GADL1: variants seen among roughly 807,000 people sequenced by gnomAD.
GADL1 encodes GAD like acidic amino acid decarboxylase 1, also known as acidic amino acid decarboxylase GADL1.
In GADL1, 71 loss-of-function variants were observed where a neutral mutation model predicts 69.5. The observed-to-expected ratio is 1.02, with a 90% CI of 0.84 to 1.25. The LOEUF (loss-of-function observed/expected upper bound fraction) is 1.25. Among genes scored for constraint, GADL1 ranks in the 50% most tolerant of loss-of-function variants. GADL1 has a pLI of 0.00. For synonymous variants in GADL1, 254 were observed against 214.4 expected (o/e 1.18, Z -1.62); for missense variants, 737 against 631.8 (o/e 1.17, Z -1.79).
intron 11 of GADL1, among the ~76,000 whole-genome samples, chr3:30,816,456 C>G (rs1204872802): frequency 6.6e-6 from 1 of 151,418 alleles, no homozygotes; most frequent in Non-Finnish European, 1.5e-5. Context: ...TTCCCTAGCC[C>G]CAGACACCTG....
At chr3:30,736,597 C>T (rs1421867698) in intron 14 of GADL1, among the ~76,000 whole-genome samples, 1 of 152,094 alleles carries the variant, frequency 6.6e-6, no homozygotes, top group Admixed American at 6.6e-5. Context: ...CTATGAAAAA[C>T]ATGAAATAAT....
intron 14 of GADL1, among the ~76,000 whole-genome samples, chr3:30,754,114 GTGCCTCC>G (rs1695906207): frequency 6.6e-6 from 1 of 152,204 alleles, no homozygotes; most frequent in Non-Finnish European, 1.5e-5. Context: ...GATTGCTAAT[GTGCCTCC>G]CAAATAAGTA....
In GADL1 at chr3:30,821,170, G is replaced by A. The variant is rs115507969; in HGVS notation, c.1050+12683C>T. On this transcript the variant is annotated intron_variant, in intron 11 of 14. Coordinates refer to ENST00000282538, the MANE Select transcript of GADL1 (RefSeq NM_207359.3). ...AGGGGAACATCACACTCTGGGGACT[G>A]CTGGGTGTGGGGAGGCGGGGAGAGA... Among the ~76,000 whole-genome samples the A allele has an allele frequency of 1.7e-3, 264 of 152,164 alleles. 1 individual carries two copies. Among genetic ancestry groups the A allele is most frequent in the African/African-American group, 6.1e-3 (254 of 41,526 alleles).
intron 11 of GADL1, among the ~76,000 whole-genome samples, chr3:30,817,430 G>A (rs1697495189): frequency 6.6e-6 from 1 of 152,084 alleles, no homozygotes; most frequent in South Asian, 2.1e-4. Context: ...GAAGACATTT[G>A]AAGAACTCTA....
chr3:30,779,710 G>C (rs1696616380), intron 13 of GADL1, among the ~76,000 whole-genome samples: 1 of 152,124 alleles, frequency 6.6e-6, no homozygotes, highest in Non-Finnish European at 1.5e-5. Context: ...CTAGAAAGTA[G>C]AAGAAAAATA....
chr3:30,821,128 A>G (rs111341345), intron 11 of GADL1, among the ~76,000 whole-genome samples: 2,499 of 152,188 alleles, frequency 0.016, 66 homozygotes, highest in African/African-American at 0.057. Flanking sequence ...GAACAATGAG[A>G]ACACATGGAC....
At chr3:30,795,661 ATC>A (rs1697016741) in intron 12 of GADL1, among the ~76,000 whole-genome samples, 1 of 152,202 alleles carries the variant, frequency 6.6e-6, no homozygotes, top group Non-Finnish European at 1.5e-5. Context: ...AAAGAAAGAA[ATC>A]ATGAAAATAA....
At chr3:30,863,818 T>G (rs766174696) in intron 1 of GADL1, among the ~76,000 whole-genome samples, 37 of 68,706 alleles carry the variant, frequency 5.4e-4, no homozygotes, top group Admixed American at 5.2e-3. Flanking sequence ...CTCCTCAAAG[T>G]TAAACGTTCT....
At chr3:30,873,844 ACT>A (rs1272494787) in intron 1 of GADL1, among the ~76,000 whole-genome samples, 2 of 151,840 alleles carry the variant, frequency 1.3e-5, no homozygotes, top group African/African-American at 4.8e-5. Context: ...GGAGGCACTT[ACT>A]CTCAGCTCTC....
At chr3:30,734,334 C>T (rs897864763) in intron 14 of GADL1, among the ~76,000 whole-genome samples, 1 of 152,148 alleles carries the variant, frequency 6.6e-6, no homozygotes, top group Non-Finnish European at 1.5e-5. Context: ...CTTCTTAAAA[C>T]CTAATGAATA....
At chr3:30,881,729 G>T (rs536114459) in intron 1 of GADL1, among the ~76,000 whole-genome samples, 3 of 152,042 alleles carry the variant, frequency 2.0e-5, no homozygotes, top group African/African-American at 7.2e-5. Context: ...TTAAGGGACT[G>T]CTATGGTTTG....
intron 14 of GADL1, among the ~76,000 whole-genome samples, chr3:30,758,530 AGAGG>A (rs1405486391): frequency 7.5e-6 from 1 of 132,606 alleles, no homozygotes; most frequent in Non-Finnish European, 1.5e-5. Context: ...ACTACCTCAT[AGAGG>A]GTGGTTGAGA....
At chr3:30,829,901 A>G (rs774964541) in intron 11 of GADL1, among the ~76,000 whole-genome samples, 3 of 151,878 alleles carry the variant, frequency 2.0e-5, no homozygotes, top group Non-Finnish European at 4.4e-5. Context: ...TAGTAACTAT[A>G]TAAGCACTTT....
chr3:30,870,514 A>T (rs1264601621), intron 1 of GADL1, among the ~76,000 whole-genome samples: 1 of 151,766 alleles, frequency 6.6e-6, no homozygotes, highest in African/African-American at 2.4e-5. Context: ...TTTTACTCTA[A>T]AATCAACAAG....
chr3:30,805,403 G>C (rs1380693690), intron 11 of GADL1, among the ~76,000 whole-genome samples: 1 of 152,126 alleles, frequency 6.6e-6, no homozygotes, highest in African/African-American at 2.4e-5. Context: ...AATGGCAGAA[G>C]AGAGAACACT....
At chr3:30,848,430 T>A (rs1430405023) in intron 6 of GADL1, among the ~76,000 whole-genome samples, 1 of 152,164 alleles carries the variant, frequency 6.6e-6, no homozygotes, top group Non-Finnish European at 1.5e-5. Context: ...TTTGTCCTTT[T>A]GCAATAAGAA....
chr3:30,803,863 T>G (rs1176197700), intron 11 of GADL1, among the ~76,000 whole-genome samples: 1 of 152,214 alleles, frequency 6.6e-6, no homozygotes, highest in Admixed American at 6.5e-5. Flanking sequence ...TTAGAATAAG[T>G]ATAGTAAAAC....
intron 11 of GADL1, among the ~76,000 whole-genome samples, chr3:30,803,021 G>C (rs1358963194): frequency 1.3e-5 from 2 of 152,188 alleles, no homozygotes; most frequent in Admixed American, 6.5e-5. Context: ...GAGCCCATGA[G>C]GTCGAAGCTG....
chr3:30,844,155 G>A (rs546305053), intron 8 of GADL1, 55 bp downstream of exon 8: 31 of 1,350,236 alleles, frequency 2.3e-5, no homozygotes, highest in South Asian at 2.2e-4. Flanking sequence ...ATAAGCGCGC[G>A]GGCGTGCGCG....
Sources: allele counts gnomAD v4.1 joint callset (sites outside exome capture counted in the v4.1 genomes callset), GRCh38; gene constraint gnomAD v4.1.1; transcripts MANE v1.5; gene names NCBI Gene and HGNC (gene_info 2026-07-23, HGNC 2026-07-21).